Variants in TAFA4 observed in about 807,000 individuals in gnomAD.
TAFA4 encodes the protein TAFA chemokine like family member 4.
Under a neutral mutation model 21.1 loss-of-function variants are expected in TAFA4, and 20 were observed. The observed-to-expected ratio is 0.95, with a 90% CI of 0.67 to 1.38. The LOEUF (loss-of-function observed/expected upper bound fraction) is 1.38, where lower values mean the gene tolerates loss of function less well. Ranked by LOEUF, TAFA4 falls within the 40% of genes most tolerant of loss-of-function variation. The probability of loss-of-function intolerance (pLI) is 0.00; values close to 1 mark genes in which losing one functional copy is unlikely to be tolerated. For missense variants in TAFA4, 211 were observed against 180.9 expected (o/e 1.17, Z -0.95); for synonymous variants, 71 against 67.4 (o/e 1.05, Z -0.26).
chr3:68,901,142 A>G (rs925646396), intron 1 of TAFA4, among the ~76,000 whole-genome samples: 2 of 152,214 alleles, frequency 1.3e-5, no homozygotes, highest in African/African-American at 4.8e-5. Context: ...GGGTACAAAG[A>G]AAGCCAGACT....
chr3:68,785,830 G>A (rs1369951758), intron 3 of TAFA4, among the ~76,000 whole-genome samples: 1 of 152,248 alleles, frequency 6.6e-6, no homozygotes, highest in African/African-American at 2.4e-5. Context: ...CCAGCACGCT[G>A]TAACCTCTCA....
chr3:68,780,803 G>T (rs771020594), intron 3 of TAFA4, among the ~76,000 whole-genome samples: 43 of 152,020 alleles, frequency 2.8e-4, no homozygotes, highest in Middle Eastern at 3.4e-3. Context: ...TCAGCAACTG[G>T]CTGGTATTTA....
At chr3:68,831,962 G>T (rs1458493678) in intron 3 of TAFA4, among the ~76,000 whole-genome samples, 2 of 151,982 alleles carry the variant, frequency 1.3e-5, no homozygotes, top group Admixed American at 1.3e-4. Flanking sequence ...TCTTGTCCTT[G>T]ATCAAATTGG....
chr3:68,875,341 G>A (rs186664720), intron 3 of TAFA4, among the ~76,000 whole-genome samples: 4 of 152,104 alleles, frequency 2.6e-5, no homozygotes, highest in South Asian at 4.1e-4. Context: ...ACTTTGTAAG[G>A]TTCAGATGGA....
At chr3:68,758,838 T>C (rs1702708691) in intron 3 of TAFA4, among the ~76,000 whole-genome samples, 1 of 152,188 alleles carries the variant, frequency 6.6e-6, no homozygotes, top group Non-Finnish European at 1.5e-5. Context: ...GTTATAACAT[T>C]GTATTAGTTA....
chr3:68,812,916 T>C lies in TAFA4; in HGVS notation c.131-59898A>G, dbSNP rs535721557. ...CACACCTATTCCAAAATTGACCACA[T>C]ACTTGGAAGTAAAGTACTCCTCAGC... On this transcript the variant is annotated intron_variant, in intron 3 of 5. Transcript: ENST00000295569. Among the ~76,000 whole-genome samples, 6 of 152,298 alleles carry C rather than the reference T, an allele frequency of 3.9e-5. No homozygotes were observed. The South Asian group carries it at 1.0e-3, about 26-fold the overall frequency.
chr3:68,839,201 T>C lies in TAFA4; in HGVS notation c.130+41529A>G, dbSNP rs891972745. Among the ~76,000 whole-genome samples the C allele has an allele frequency of 3.9e-5, 6 of 152,184 alleles. 1 individual carries two copies. Among genetic ancestry groups the C allele is most frequent in the Non-Finnish European group, 4.4e-5 (3 of 68,004 alleles). The stretch of plus-strand genomic sequence containing the variant: ...ATAAATGCTGTAAAATGGGGAGCAA[T>C]TGTGTCCTACAAAGGAAAATAGTAA... On this transcript the variant is annotated intron_variant, in intron 3 of 5. Transcript: ENST00000295569.
intron 4 of TAFA4, among the ~76,000 whole-genome samples, chr3:68,742,876 C>T (rs552569010): frequency 1.2e-4 from 18 of 152,340 alleles, no homozygotes; most frequent in East Asian, 9.6e-4. Context: ...CAAGTGCTAA[C>T]GCTTATATTC....
intron 1 of TAFA4, among the ~76,000 whole-genome samples, chr3:68,922,116 A>C (rs2090065640): frequency 1.3e-5 from 2 of 152,204 alleles, no homozygotes; most frequent in Admixed American, 1.3e-4. Context: ...TAATCAAAAC[A>C]ACCTTATTTT....
chr3:68,843,536 C>G (rs760771298), intron 3 of TAFA4, among the ~76,000 whole-genome samples: 1 of 152,200 alleles, frequency 6.6e-6, no homozygotes, highest in Non-Finnish European at 1.5e-5. Flanking sequence ...TTGCCCCAGC[C>G]AGAACTTCCT....
rs564878663 is a variant in TAFA4 at position 68,932,308 on chromosome 3, C to T, written c.-191G>A. 5.2e-5 allele frequency: 8 copies of T among 152,512 alleles called. 1 individual carries two copies. Among genetic ancestry groups the T allele is most frequent in the African/African-American group, 1.4e-4 (6 of 41,576 alleles). The allele number at this position is 152,512 out of a possible 1,614,324, so 9.4% of individuals were successfully genotyped here. A position where few individuals can be genotyped will look rare whatever the true frequency, so the allele number is the denominator to read the frequency against. The stretch of plus-strand genomic sequence containing the variant: ...TAGGTACTGATCGCCGCACCGGAGC[C>T]CGAGGACGCTCACCGTGCCGCCTCC... On this transcript the variant is annotated 5_prime_UTR_variant, in exon 1 of 6. Coordinates refer to ENST00000295569, the MANE Select transcript of TAFA4 (RefSeq NM_182522.5).
chr3:68,872,788 G>C (rs2089498728), intron 3 of TAFA4, among the ~76,000 whole-genome samples: 1 of 152,080 alleles, frequency 6.6e-6, no homozygotes, highest in Admixed American at 6.6e-5. Context: ...TTTAGGTAGG[G>C]GATGTTGTAA....
At chr3:68,742,276 T>A (rs974782603) in intron 4 of TAFA4, among the ~76,000 whole-genome samples, 1 of 92,936 alleles carries the variant, frequency 1.1e-5, no homozygotes, top group African/African-American at 3.8e-5. Flanking sequence ...TTCTATTCAA[T>A]AGAGTACCAA....
intron 1 of TAFA4, among the ~76,000 whole-genome samples, chr3:68,892,408 G>A (rs1195376172): frequency 3.3e-5 from 5 of 152,140 alleles, no homozygotes; most frequent in South Asian, 2.1e-4. Flanking sequence ...AAATTAGGTG[G>A]TAGAGAGTTG....
At chr3:68,864,471 G>A (rs2089391033) in intron 3 of TAFA4, among the ~76,000 whole-genome samples, 1 of 152,070 alleles carries the variant, frequency 6.6e-6, no homozygotes, top group African/African-American at 2.4e-5. Context: ...AATATGAAGG[G>A]ACTGAAACTC....
At chr3:68,883,743 G>A (rs532851654) in intron 2 of TAFA4, among the ~76,000 whole-genome samples, 1 of 152,024 alleles carries the variant, frequency 6.6e-6, no homozygotes, top group Non-Finnish European at 1.5e-5. Context: ...AACCAGCAAC[G>A]TATGGGACTT....
chr3:68,918,132 T>TACACAC (rs71618251), intron 1 of TAFA4, among the ~76,000 whole-genome samples: 34,892 of 148,780 alleles, frequency 0.23, 4,144 homozygotes, highest in Middle Eastern at 0.31. Context: ...CAGACACACA[T>TACACAC]ACACACACAC....
At position 68,808,229 on chromosome 3, in the gene TAFA4, G is replaced by A. The variant is rs1026463031; in HGVS notation, c.131-55211C>T. ...ACAAGACAGAATTGTTCACATACAT[G>A]AGCAAGCCCCTAAAAATGACCCTTC... On this transcript the variant is annotated intron_variant, in intron 3 of 5. Coordinates refer to ENST00000295569, the MANE Select transcript of TAFA4 (RefSeq NM_182522.5). Among the ~76,000 whole-genome samples, 3 of 152,202 alleles carry A rather than the reference G, an allele frequency of 2.0e-5. No individual in the cohort carries two copies. The East Asian group carries it at 5.8e-4, about 29-fold the overall frequency.
intron 3 of TAFA4, among the ~76,000 whole-genome samples, chr3:68,839,587 T>C (rs1163609437): frequency 6.6e-6 from 1 of 152,182 alleles, no homozygotes; most frequent in African/African-American, 2.4e-5. Flanking sequence ...CCGGATGCAA[T>C]TCACAACCTT....
Sources: allele counts gnomAD v4.1 joint callset (sites outside exome capture counted in the v4.1 genomes callset), GRCh38; gene constraint gnomAD v4.1.1; transcripts MANE v1.5; gene names NCBI Gene and HGNC (gene_info 2026-07-23, HGNC 2026-07-21).